The following KATNIP variants were observed in gnomAD, a reference collection of about 807,000 sequenced individuals.
KATNIP encodes the protein katanin-interacting protein.
In KATNIP, 126 loss-of-function variants were observed where a neutral mutation model predicts 174.0. The observed-to-expected ratio is 0.72, with a 90% CI of 0.63 to 0.84. The LOEUF (loss-of-function observed/expected upper bound fraction) is 0.84. Ranked by LOEUF, KATNIP falls within the 40% of genes least tolerant of loss-of-function variation. KATNIP has a pLI of 0.00. For synonymous variants in KATNIP, 810 were observed against 835.7 expected (o/e 0.97, Z 0.53); for missense variants, 1,958 against 2,109.7 (o/e 0.93, Z 1.41).
chr16:27,715,061 A>G (rs2079866366), intron 13 of KATNIP, among the ~76,000 whole-genome samples: 1 of 152,242 alleles, frequency 6.6e-6, no homozygotes, highest in African/African-American at 2.4e-5. Context: ...CTCTGCAGTA[A>G]TAAAGACTGC....
intron 2 of KATNIP, among the ~76,000 whole-genome samples, chr16:27,591,034 A>C (rs1410876479): frequency 6.6e-6 from 1 of 152,196 alleles, no homozygotes; most frequent in Non-Finnish European, 1.5e-5. Flanking sequence ...AACTTGATTC[A>C]TTCTCAAGGA....
chr16:27,642,768 A>AT (rs2076839774), intron 5 of KATNIP, among the ~76,000 whole-genome samples: 2 of 138,382 alleles, frequency 1.4e-5, no homozygotes, highest in Non-Finnish European at 3.1e-5. Context: ...ATTTTTAAAA[A>AT]ATTTTTTTTT....
At chr16:27,618,189 G>A (rs146857943) in intron 2 of KATNIP, among the ~76,000 whole-genome samples, 124 of 152,258 alleles carry the variant, frequency 8.1e-4, no homozygotes, top group African/African-American at 3.0e-3. Flanking sequence ...AGCGAGAGGC[G>A]GGAATTGACC....
chr16:27,654,820 C>T, intron 6 of KATNIP: 1 of 1,254,092 alleles, frequency 8.0e-7, no homozygotes, highest in South Asian at 1.2e-5. Flanking sequence ...TTAAGATGGA[C>T]TCCGTGAGAG....
chr16:27,577,472 A>G (rs555686360), intron 2 of KATNIP, among the ~76,000 whole-genome samples: 105 of 152,248 alleles, frequency 6.9e-4, no homozygotes, highest in African/African-American at 2.3e-3. Context: ...TGGGCAGATC[A>G]CCTGAGGTCA....
At position 27,749,732 on chromosome 16, in the gene KATNIP, G is replaced by A. The variant is rs1200988903; in HGVS notation, c.2772G>A (p.Leu924=). Residue 924 remains leucine (L), a synonymous_variant, in exon 16 of 28, where the codon CTG becomes CTA. Transcript: ENST00000261588. ...ISNTELPGDI[L]DELLQQKSSR... Reference sequence around the variant, plus strand: ...ACACGGAGCTCCCGGGGGACATCCTGGATGAGCTCCTGCAGCAAAAGAGCA... The same window carrying A: ...ACACGGAGCTCCCGGGGGACATCCTAGATGAGCTCCTGCAGCAAAAGAGCA... 2 of 1,613,128 alleles carry A rather than the reference G, an allele frequency of 1.2e-6. No homozygotes were observed. Among genetic ancestry groups the A allele is most frequent in the Non-Finnish European group, 1.7e-6 (2 of 1,179,552 alleles).
chr16:27,635,822 G>A (rs995217573), intron 5 of KATNIP, among the ~76,000 whole-genome samples: 5 of 152,014 alleles, frequency 3.3e-5, no homozygotes, highest in African/African-American at 9.7e-5. Context: ...AAGACTTTTC[G>A]AAGCTTGCCA....
rs756837624 is a variant in KATNIP, at chr16:27,648,618, C to T, written c.423C>T (p.Ile141=). ...TTTTTGTACAGAAATCTGTGCAGAT[C>T]AGAACAGAAGCTGGCCCACGGCTCC... is the stretch of plus-strand genomic sequence containing the variant. ...RRGWHQKSVQ[I]RTEAGPRLHI... Residue 141 remains isoleucine, a synonymous_variant, in exon 6 of 28, where the codon ATC becomes ATT. Coordinates refer to ENST00000261588, the MANE Select transcript of KATNIP (RefSeq NM_015202.5). 1 of 1,614,176 alleles carries T rather than the reference C, an allele frequency of 6.2e-7. No homozygotes were observed. Among genetic ancestry groups the T allele is most frequent in the South Asian group, 1.1e-5 (1 of 91,084 alleles).
At position 27,710,180 on chromosome 16, in the gene KATNIP, C is replaced by G. The variant is rs935547764; in HGVS notation, c.1605+1260C>G. 9.2e-5 allele frequency among the ~76,000 whole-genome samples: 14 copies of G among 152,164 alleles called. No individual in the cohort carries two copies. In the East Asian group the frequency reaches 2.7e-3, roughly 29 times the overall value. On this transcript the variant is annotated intron_variant, in intron 13 of 27. Coordinates refer to ENST00000261588, the MANE Select transcript of KATNIP (RefSeq NM_015202.5). ...TTCAAGACCAGCCTGGCCAACATGG[C>G]GAAATCCTGTCTCTACCAAAAATAC...
chr16:27,639,475 CA>C (rs1460324812), intron 5 of KATNIP, among the ~76,000 whole-genome samples: 3 of 152,214 alleles, frequency 2.0e-5, no homozygotes, highest in African/African-American at 7.2e-5. Flanking sequence ...CGTCGTTTAC[CA>C]AAATGCTGTC....
rs116783130 is a variant in KATNIP, at chr16:27,771,517, C to G, written c.4134-71C>G. The G allele has an allele frequency of 1.9e-3, 2,872 of 1,477,008 alleles. 50 individuals are homozygous for G. The African/African-American group carries it at 0.036, about 19-fold the overall frequency. The allele number at this position is 1,477,008 out of a possible 1,614,324, so 91.5% of individuals were successfully genotyped here. ...GCCATGTTTCTTCAAAGGCTGTTAC[C>G]TAGGGGGTAACTGGCTGGTGATTCT... On this transcript the variant is annotated intron_variant, in intron 21 of 27. Transcript: ENST00000261588.
chr16:27,756,737 CA>C (rs914939725), intron 18 of KATNIP, among the ~76,000 whole-genome samples: 26 of 152,026 alleles, frequency 1.7e-4, no homozygotes, highest in African/African-American at 6.3e-4. Context: ...AAATTTAATT[CA>C]AGCTGAGTTC....
In KATNIP at chr16:27,754,264, C is replaced by T; in HGVS notation, c.3631+13C>T. The T allele has an allele frequency of 1.2e-6, 2 of 1,611,154 alleles. No homozygotes were observed. Among genetic ancestry groups the T allele is most frequent in the South Asian group, 2.2e-5 (2 of 91,004 alleles). ...TACCACGGAATCTGTGAGTAGCTCT[C>T]CTGGAGCAGTGTTGGGTGGAAGGAG... is the stretch of plus-strand genomic sequence containing the variant. On this transcript the variant is annotated intron_variant, in intron 18 of 27. Coordinates refer to ENST00000261588, the MANE Select transcript of KATNIP (RefSeq NM_015202.5).
At chr16:27,681,615 C>G in intron 8 of KATNIP, 85 bp downstream of exon 8, 1 of 1,488,680 alleles carries the variant, frequency 6.7e-7, no homozygotes, top group Non-Finnish European at 9.3e-7. Flanking sequence ...GGCCGCACTT[C>G]ATTACCCTCC....
intron 2 of KATNIP, among the ~76,000 whole-genome samples, chr16:27,617,355 C>CT (rs1178102388): frequency 2.0e-5 from 3 of 152,116 alleles, no homozygotes; most frequent in Non-Finnish European, 2.9e-5. Context: ...TTCTCATTGG[C>CT]ACAGCATTCA....
At chr16:27,746,134 A>G (rs985049830) in intron 15 of KATNIP, among the ~76,000 whole-genome samples, 2 of 151,470 alleles carry the variant, frequency 1.3e-5, no homozygotes, top group African/African-American at 2.4e-5. Context: ...CCGGCCATCT[A>G]CTCCTCTGCT....
At chr16:27,560,306 G>A (rs985276709) in intron 1 of KATNIP, among the ~76,000 whole-genome samples, 35 of 144,914 alleles carry the variant, frequency 2.4e-4, no homozygotes, top group Non-Finnish European at 2.0e-4. Flanking sequence ...AAAAAAAAAA[G>A]GTAATTTCAC....
intron 5 of KATNIP, among the ~76,000 whole-genome samples, chr16:27,636,295 T>C (rs1219166646): frequency 1.3e-5 from 2 of 152,208 alleles, no homozygotes; most frequent in Non-Finnish European, 2.9e-5. Flanking sequence ...TGAGCTTTCC[T>C]GTTTGCCAAA....
chr16:27,577,647 G>A (rs568964869), intron 2 of KATNIP, among the ~76,000 whole-genome samples: 4 of 152,240 alleles, frequency 2.6e-5, no homozygotes, highest in South Asian at 2.1e-4. Flanking sequence ...AGCCGAGATC[G>A]GGCCACTGCT....
Sources: gnomAD v4.1 joint callset for allele counts (sites outside exome capture counted in the v4.1 genomes callset) on GRCh38, gnomAD v4.1.1 for gene constraint, MANE v1.5 for transcripts, NCBI Gene and HGNC (gene_info 2026-07-23, HGNC 2026-07-21) for gene names.